The following CDH13 variants were observed in gnomAD, a reference collection of about 807,000 sequenced individuals.
CDH13 encodes the protein cadherin 13.
In CDH13, 24 loss-of-function variants were observed where a neutral mutation model predicts 63.8. That is an observed-to-expected ratio of 0.38 (90% CI 0.27 to 0.53). CDH13 has a LOEUF of 0.53. Among genes scored for constraint, CDH13 ranks in the 20% least tolerant of loss-of-function variants. The pLI is 0.85. For missense variants in CDH13, 1,049 were observed against 903.1 expected (o/e 1.16, Z -2.07); for synonymous variants, 503 against 355.3 (o/e 1.42, Z -4.67).
intron 7 of CDH13, among the ~76,000 whole-genome samples, chr16:83,533,452 A>C (rs939294084): frequency 5.3e-5 from 8 of 152,112 alleles, no homozygotes; most frequent in African/African-American, 1.9e-4. Context: ...TGAAGCCGAC[A>C]GACAGGAAGT....
chr16:82,844,507 A>G (rs2039169821), intron 1 of CDH13: 1 of 150,228 alleles, frequency 6.7e-6, no homozygotes, highest in Non-Finnish European at 1.5e-5. Context: ...AGGCTGAGGC[A>G]GGAGAATGGC....
At chr16:83,124,133 C>A (rs1200313744) in intron 3 of CDH13, among the ~76,000 whole-genome samples, 4 of 152,090 alleles carry the variant, frequency 2.6e-5, no homozygotes, top group Non-Finnish European at 5.9e-5. Flanking sequence ...GCACTGTCCG[C>A]CTCCTGGGTT....
chr16:82,703,030 A>G (rs1331073765), intron 1 of CDH13, among the ~76,000 whole-genome samples: 3 of 152,122 alleles, frequency 2.0e-5, no homozygotes, highest in Admixed American at 6.5e-5. Context: ...GTGCTCTACA[A>G]ACACTTACAG....
chr16:83,553,991 T>G (rs1253951580), intron 7 of CDH13, among the ~76,000 whole-genome samples: 1 of 152,258 alleles, frequency 6.6e-6, no homozygotes, highest in Admixed American at 6.5e-5. Flanking sequence ...TGAACATTCT[T>G]GTACAGATAT....
At chr16:83,104,946 C>A (rs1199787753) in intron 3 of CDH13, among the ~76,000 whole-genome samples, 1 of 152,228 alleles carries the variant, frequency 6.6e-6, no homozygotes, top group Non-Finnish European at 1.5e-5. Flanking sequence ...CATCTTCTCC[C>A]TCTCTCATTT....
chr16:83,489,269 A>T (rs899677543), intron 7 of CDH13, among the ~76,000 whole-genome samples: 2 of 152,218 alleles, frequency 1.3e-5, no homozygotes, highest in Admixed American at 6.5e-5. Flanking sequence ...TTGGGCTTTC[A>T]TTAAGTTGTA....
chr16:83,374,038 G>A (rs2091418945), intron 6 of CDH13, among the ~76,000 whole-genome samples: 1 of 152,174 alleles, frequency 6.6e-6, no homozygotes, highest in Non-Finnish European at 1.5e-5. Flanking sequence ...GGACAGAGGG[G>A]AGGCAGTGGA....
At chr16:83,558,589 T>C (rs2075645588) in intron 7 of CDH13, among the ~76,000 whole-genome samples, 1 of 152,212 alleles carries the variant, frequency 6.6e-6, no homozygotes, top group African/African-American at 2.4e-5. Flanking sequence ...TAGTCAGAGA[T>C]GCATCTGCAT....
At chr16:82,777,995 G>C (rs2035577163) in intron 1 of CDH13, among the ~76,000 whole-genome samples, 1 of 152,190 alleles carries the variant, frequency 6.6e-6, no homozygotes, top group African/African-American at 2.4e-5. Flanking sequence ...AACAGTCATA[G>C]AAGAGATGCC....
chr16:82,665,114 C>T (rs967979217), intron 1 of CDH13, among the ~76,000 whole-genome samples: 3 of 152,144 alleles, frequency 2.0e-5, no homozygotes, highest in Non-Finnish European at 4.4e-5. Context: ...GTGAGACTGC[C>T]TTCTTGTTTT....
At chr16:83,586,673 G>A (rs1400947267) in intron 7 of CDH13, among the ~76,000 whole-genome samples, 1 of 152,172 alleles carries the variant, frequency 6.6e-6, no homozygotes, top group Admixed American at 6.5e-5. Context: ...GGGCTGCCTC[G>A]TGGGAGCAGG....
intron 2 of CDH13, among the ~76,000 whole-genome samples, chr16:82,930,717 G>A (rs1369850269): frequency 1.3e-5 from 2 of 152,072 alleles, no homozygotes; most frequent in Non-Finnish European, 2.9e-5. Context: ...ATTAAACTAA[G>A]CACTTAAAAT....
At chr16:82,858,974 C>T (rs902873646) in intron 2 of CDH13, 1 of 156,166 alleles carries the variant, frequency 6.4e-6, no homozygotes, top group African/African-American at 2.4e-5. Flanking sequence ...GATTCAAAAC[C>T]TCTACTGATT....
At chr16:82,788,104 C>T (rs1483679935) in intron 1 of CDH13, among the ~76,000 whole-genome samples, 1 of 152,098 alleles carries the variant, frequency 6.6e-6, no homozygotes, top group Non-Finnish European at 1.5e-5. Context: ...TATAATTTGC[C>T]ACATAAACAT....
In CDH13 at chr16:83,076,448, A is replaced by G. The variant is rs535437820; in HGVS notation, c.366+44230A>G. Among the ~76,000 whole-genome samples the G allele has an allele frequency of 1.1e-3, 174 of 152,274 alleles. 1 individual carries two copies. Among genetic ancestry groups the G allele is most frequent in the South Asian group, 9.3e-3 (45 of 4,826 alleles). On this transcript the variant is annotated intron_variant, in intron 3 of 13. Coordinates refer to ENST00000567109, the MANE Select transcript of CDH13 (RefSeq NM_001257.5). ...AGACAAAGATCCTTGCATGGCATTA[A>G]GGGAGCCTGTCCTGACATTTCATAA...
intron 1 of CDH13, among the ~76,000 whole-genome samples, chr16:82,691,792 G>A (rs1915671244): frequency 6.6e-6 from 1 of 152,080 alleles, no homozygotes; most frequent in South Asian, 2.1e-4. Context: ...GGTTAATAAG[G>A]AGGCACTGGT....
chr16:83,505,013 T>C (rs907802601), intron 7 of CDH13, among the ~76,000 whole-genome samples: 22 of 151,874 alleles, frequency 1.4e-4, no homozygotes, highest in African/African-American at 5.1e-4. Context: ...ATGGGAGGGG[T>C]CTGAGAGCAT....
chr16:83,303,724 A>G lies in CDH13; in HGVS notation c.637-41138A>G, dbSNP rs541029463. On this transcript the variant is annotated intron_variant, in intron 5 of 13. Transcript: ENST00000567109. The stretch of plus-strand genomic sequence containing the variant: ...GATGAAGGAATAGGGGGAAGGTCAG[A>G]GAAACCTTGAGGCTACTGCTTCAGT... Among the ~76,000 whole-genome samples the G allele has an allele frequency of 9.9e-4, 151 of 152,322 alleles. 1 individual carries two copies. Among genetic ancestry groups the G allele is most frequent in the African/African-American group, 3.4e-3 (142 of 41,570 alleles).
chr16:83,127,581 T>G (rs1017431557), intron 4 of CDH13, among the ~76,000 whole-genome samples: 1 of 151,830 alleles, frequency 6.6e-6, no homozygotes, highest in African/African-American at 2.4e-5. Context: ...AATACAAAAA[T>G]TAGCCAGTGT....
Sources: gnomAD v4.1 joint callset for allele counts (sites outside exome capture counted in the v4.1 genomes callset) on GRCh38, gnomAD v4.1.1 for gene constraint, MANE v1.5 for transcripts, NCBI Gene and HGNC (gene_info 2026-07-23, HGNC 2026-07-21) for gene names.